Variants in CDHR3 observed in about 807,000 individuals in gnomAD.
CDHR3 encodes cadherin-related family member 3.
CDHR3 carries 79 observed loss-of-function variants against 86.6 expected under a neutral mutation model. The observed-to-expected ratio is 0.91, with a 90% confidence interval of 0.76 to 1.10. The LOEUF (loss-of-function observed/expected upper bound fraction) is 1.10, where lower values mean the gene tolerates loss of function less well. Among genes scored for constraint, CDHR3 ranks in the 50% least tolerant of loss-of-function variants. The probability of loss-of-function intolerance (pLI) is 0.00; values close to 1 mark genes in which losing one functional copy is unlikely to be tolerated. For missense variants in CDHR3, 1,081 were observed against 1,077.6 expected (o/e 1.00, Z -0.04); for synonymous variants, 421 against 402.4 (o/e 1.05, Z -0.55).
chr7:106,002,598 C>CT (rs544657094), intron 7 of CDHR3, among the ~76,000 whole-genome samples: 1 of 152,096 alleles, frequency 6.6e-6, no homozygotes, highest in African/African-American at 2.4e-5. Context: ...ATCCCATCAC[C>CT]TTTTTCTCAA....
rs1028777195 is a variant in CDHR3 at position 106,034,329 on chromosome 7, T to A, written c.*1632T>A. ...TAACCCTAAGAAAGGTCCAGGTGAGTGTTCATTAGGGAAGCACTCCCTTCC... is the reference window on the plus strand; with the variant it reads ...TAACCCTAAGAAAGGTCCAGGTGAGAGTTCATTAGGGAAGCACTCCCTTCC... On this transcript the variant is annotated 3_prime_UTR_variant, in exon 19 of 19. Transcript: ENST00000317716. Among the ~76,000 whole-genome samples the A allele has an allele frequency of 2.6e-5, 4 of 152,036 alleles. No homozygotes were observed. The highest frequency in any genetic ancestry group is 9.7e-5 in the African/African-American group (4 of 41,382).
intron 13 of CDHR3, 69 bp from the exon 14 acceptor site, chr7:106,022,129 C>T: frequency 6.3e-7 from 1 of 1,576,474 alleles, no homozygotes; most frequent in South Asian, 1.2e-5. Flanking sequence ...ATGCAGTTTT[C>T]TTCTAAACCT....
intron 1 of CDHR3, among the ~76,000 whole-genome samples, chr7:105,967,203 T>C (rs1827102531): frequency 6.6e-6 from 1 of 152,084 alleles, no homozygotes; most frequent in Non-Finnish European, 1.5e-5. Context: ...GAACGTGCAG[T>C]GTTTGGTTTT....
intron 9 of CDHR3, among the ~76,000 whole-genome samples, chr7:106,013,606 G>A (rs1298438434): frequency 6.6e-6 from 1 of 152,126 alleles, no homozygotes; most frequent in Non-Finnish European, 1.5e-5. Flanking sequence ...GAAGGTGGTG[G>A]GGAAGGAGAA....
At chr7:106,029,171 G>C (rs539072490) in intron 17 of CDHR3, among the ~76,000 whole-genome samples, 1 of 152,080 alleles carries the variant, frequency 6.6e-6, no homozygotes, top group East Asian at 1.9e-4. Flanking sequence ...AGTAGAGATG[G>C]GGTTTCACCA....
chr7:106,003,464 C>G (rs1833497207), intron 7 of CDHR3, among the ~76,000 whole-genome samples: 1 of 152,140 alleles, frequency 6.6e-6, no homozygotes, highest in Non-Finnish European at 1.5e-5. Context: ...ATCTCAAGTA[C>G]TCAAGATAGC....
chr7:106,028,948 C>CTTTT (rs1837869378), intron 17 of CDHR3, among the ~76,000 whole-genome samples: 1 of 144,688 alleles, frequency 6.9e-6, no homozygotes, highest in Non-Finnish European at 1.5e-5. Context: ...TTCTTTCTTT[C>CTTTT]TTTCTTTCTT....
At chr7:105,989,419 G>C (rs969996624) in intron 4 of CDHR3, among the ~76,000 whole-genome samples, 2 of 151,886 alleles carry the variant, frequency 1.3e-5, no homozygotes, top group Non-Finnish European at 2.9e-5. Flanking sequence ...CCATTAAGGG[G>C]CTTTCTTTTG....
chr7:106,021,578 C>G (rs408223), intron 13 of CDHR3, among the ~76,000 whole-genome samples: 41,795 of 152,172 alleles, frequency 0.27, 6,698 homozygotes, highest in Non-Finnish European at 0.37. Flanking sequence ...CTGCCCCAGG[C>G]TCCCTGAGCT....
Position 106,024,389 on chromosome 7 carries a change from C to A in CDHR3, c.2085C>A (p.Val695=), listed in dbSNP as rs904365031. Reference sequence around the variant, plus strand: ...GCTCTCTGTTGTTCAAGCCCAGGGTCACCTATCAGGTCCTGAGGAAAAACG... The same window carrying A: ...GCTCTCTGTTGTTCAAGCCCAGGGTAACCTATCAGGTCCTGAGGAAAAACG... The part of the protein sequence containing the change: ...TIITTTPRPR[V]TYQVLRKNVY... The change falls in exon 15 of 19, where the codon GTC becomes GTA. Residue 695 remains valine (V), a synonymous_variant. Transcript: ENST00000317716. The A allele has an allele frequency of 3.9e-5, 63 of 1,613,842 alleles. No individual in the cohort carries two copies. Among genetic ancestry groups the A allele is most frequent in the Admixed American group, 5.0e-5 (3 of 60,004 alleles).
At chr7:105,966,668 C>A (rs370286888) in intron 1 of CDHR3, among the ~76,000 whole-genome samples, 39 of 152,286 alleles carry the variant, frequency 2.6e-4, no homozygotes, top group African/African-American at 9.1e-4. Flanking sequence ...ATGTCACTTT[C>A]CTGTTCAGAG....
intron 4 of CDHR3, among the ~76,000 whole-genome samples, 194 bp from the exon 5 acceptor site, chr7:105,994,557 G>A (rs1373125143): frequency 6.6e-6 from 1 of 152,110 alleles, no homozygotes; most frequent in Non-Finnish European, 1.5e-5. Flanking sequence ...GTCAACCAGG[G>A]CTCAGACCAA....
At chr7:106,016,954 C>T (rs73195661) in intron 11 of CDHR3, among the ~76,000 whole-genome samples, 5,875 of 152,222 alleles carry the variant, frequency 0.039, 157 homozygotes, top group South Asian at 0.13. Context: ...GAAGGTTCTG[C>T]CCTTGAGGAG....
In CDHR3 at chr7:106,029,548, GTCTCTCTCTC is replaced by G. The variant is rs59823993; in HGVS notation, c.2304+988_2304+997del. 4.9e-3 allele frequency among the ~76,000 whole-genome samples: 724 copies of G among 147,176 alleles called. 8 individuals are homozygous for G. Among genetic ancestry groups the G allele is most frequent in the African/African-American group, 0.017 (663 of 39,996 alleles). ...GGAAAGTTCCCTCTCCTCCACCTCTGTCTCTCTCTCTCTCTCTCTCTCTCTCTCTCTTTGA... is the reference window on the plus strand; with the variant it reads ...GGAAAGTTCCCTCTCCTCCACCTCTGTCTCTCTCTCTCTCTCTCTCTTTGA... On this transcript the variant is annotated intron_variant, in intron 17 of 18. Transcript: ENST00000317716.
Position 105,963,267 on chromosome 7 carries a change from A to G in CDHR3, c.-52A>G, listed in dbSNP as rs371674513. Reference sequence around the variant, plus strand: ...GAATAAACTTTGGGTGTGAGACGGGATTCAGGCTGTGGCTAATGTGCTGGA... The same window carrying G: ...GAATAAACTTTGGGTGTGAGACGGGGTTCAGGCTGTGGCTAATGTGCTGGA... On this transcript the variant is annotated 5_prime_UTR_variant, in exon 1 of 19. Coordinates refer to ENST00000317716, the MANE Select transcript of CDHR3 (RefSeq NM_152750.5). The G allele has an allele frequency of 1.9e-4, 306 of 1,589,486 alleles. No individual in the cohort carries two copies. In the African/African-American group the frequency reaches 3.6e-3, roughly 19 times the overall value.
In CDHR3 at chr7:106,005,082, T is replaced by A. The variant is rs377759776; in HGVS notation, c.1052+395T>A. Among the ~76,000 whole-genome samples, 438 of 152,294 alleles carry A rather than the reference T, an allele frequency of 2.9e-3. 3 individuals carry two copies. The highest frequency in any genetic ancestry group is 0.01 in the African/African-American group (424 of 41,566). On this transcript the variant is annotated intron_variant, in intron 8 of 18. Transcript: ENST00000317716. Reference sequence around the variant, plus strand: ...TTAGTTAGCAGTTATAATAGACGTTTGAGACTTAGGATCAGTGAATAGGAA... The same window carrying A: ...TTAGTTAGCAGTTATAATAGACGTTAGAGACTTAGGATCAGTGAATAGGAA...
At chr7:105,982,982 CAA>C (rs57923583) in intron 3 of CDHR3, among the ~76,000 whole-genome samples, 42,440 of 130,492 alleles carry the variant, frequency 0.33, 6,830 homozygotes, top group East Asian at 0.43. Context: ...GACCCTATCT[CAA>C]AAAAAAAAAA....
chr7:105,984,470 C>A (rs369694511), intron 4 of CDHR3, among the ~76,000 whole-genome samples, 181 bp downstream of exon 4: 2 of 152,094 alleles, frequency 1.3e-5, no homozygotes, highest in East Asian at 3.9e-4. Context: ...GGGCCAGACA[C>A]TCTGGAGTGG....
chr7:106,008,147 G>T (rs1162983007), intron 8 of CDHR3, among the ~76,000 whole-genome samples: 1 of 152,152 alleles, frequency 6.6e-6, no homozygotes, highest in East Asian at 1.9e-4. Context: ...CTCCTACTGG[G>T]TCCCTCTCAC....
Sources: gnomAD v4.1 joint callset for allele counts (sites outside exome capture counted in the v4.1 genomes callset) on GRCh38, gnomAD v4.1.1 for gene constraint, MANE v1.5 for transcripts, NCBI Gene and HGNC (gene_info 2026-07-23, HGNC 2026-07-21) for gene names.